Variants in TRIM26 observed in about 807,000 individuals in gnomAD.
TRIM26 encodes tripartite motif containing 26, also known as tripartite motif-containing protein 26.
A neutral mutation model predicts 45.5 loss-of-function variants in TRIM26; 16 were observed. That is an observed-to-expected ratio of 0.35 (90% CI 0.24 to 0.53). TRIM26 has a LOEUF of 0.53. Among genes scored for constraint, TRIM26 ranks in the 20% least tolerant of loss-of-function variants. The pLI is 0.92. For synonymous variants in TRIM26, 273 were observed against 290.4 expected (o/e 0.94, Z 0.61); for missense variants, 442 against 691.1 (o/e 0.64, Z 4.04).
In TRIM26 at chr6:30,199,888, G is replaced by A. The variant is rs182990157; in HGVS notation, c.-161-624C>T. ...CCCGACCTCGTGATCCACCTGCCTC[G>A]GCCTCCCAAAGTGCTGGGATTACAG... On this transcript the variant is annotated intron_variant, in intron 3 of 9. Transcript: ENST00000454678. Among the ~76,000 whole-genome samples, 681 of 151,964 alleles carry A rather than the reference G, an allele frequency of 4.5e-3. 2 individuals are homozygous for A. The highest frequency in any genetic ancestry group is 0.011 in the African/African-American group (476 of 41,440).
In TRIM26 at chr6:30,184,904, C is replaced by A. The variant is rs1774993648; in HGVS notation, c.*972G>T. The A allele has an allele frequency of 6.5e-6, 1 of 152,912 alleles. No individual in the cohort carries two copies. The highest frequency in any genetic ancestry group is 6.5e-5 in the Admixed American group (1 of 15,276). 9.5% of individuals were successfully genotyped at this position (152,912 alleles called of 1,614,324 possible). On this transcript the variant is annotated 3_prime_UTR_variant, in exon 10 of 10. Transcript: ENST00000454678. ...TGAAGACCTGGTGGGCTTGTGGCCT[C>A]CTGCTGCCTTCCTTTCCCTGTCTTC... is the stretch of plus-strand genomic sequence containing the variant.
chr6:30,212,410 T>A (rs1778374986), intron 1 of TRIM26, among the ~76,000 whole-genome samples: 1 of 152,208 alleles, frequency 6.6e-6, no homozygotes, highest in South Asian at 2.1e-4. Flanking sequence ...AATAATGTAT[T>A]GATATTGGTT....
intron 6 of TRIM26, among the ~76,000 whole-genome samples, chr6:30,194,342 T>C (rs1017637172): frequency 9.9e-5 from 15 of 152,016 alleles, no homozygotes; most frequent in African/African-American, 3.6e-4. Context: ...TGGGGAGAAG[T>C]TGGTTAACAG....
Position 30,185,725 on chromosome 6 carries a change from G to C in TRIM26, c.*151C>G. The C allele has an allele frequency of 1.2e-6, 1 of 821,944 alleles. No individual in the cohort carries two copies. The highest frequency in any genetic ancestry group is 1.8e-5 in the South Asian group (1 of 54,480). 50.9% of individuals were successfully genotyped at this position (821,944 alleles called of 1,614,324 possible). A position where few individuals can be genotyped will look rare whatever the true frequency, so the allele number is the denominator to read the frequency against. ...GCAACAGCACTGAGTGAGATTTCAG[G>C]GGGCCACAGCAATGGGGAGGTGGCT... On this transcript the variant is annotated 3_prime_UTR_variant, in exon 10 of 10. Transcript: ENST00000454678. This position sits in a 1 kb window ranked among gnomAD's most constrained non-coding sequence, Gnocchi z 5.7.
At chr6:30,187,037 T>C (rs569977326) in intron 9 of TRIM26, 18 of 339,678 alleles carry the variant, frequency 5.3e-5, no homozygotes, top group African/African-American at 3.3e-4. Flanking sequence ...ACAATAACTA[T>C]GTGAATGACC....
intron 6 of TRIM26, among the ~76,000 whole-genome samples, chr6:30,191,489 T>C (rs11753736): frequency 0.036 from 5,347 of 149,518 alleles, 162 homozygotes; most frequent in Middle Eastern, 0.1. Flanking sequence ...CAGACAATAA[T>C]CAATGTAGCA....
intron 5 of TRIM26, among the ~76,000 whole-genome samples, chr6:30,197,259 T>C (rs1223938617): frequency 1.3e-5 from 2 of 152,168 alleles, no homozygotes; most frequent in Non-Finnish European, 2.9e-5. Context: ...ACGTCTGTGC[T>C]TAGGGACTAT....
rs766047015 is a variant in TRIM26, at chr6:30,186,200, T to C, written c.1296A>G (p.Glu432=). 2 of 1,594,094 alleles carry C rather than the reference T, an allele frequency of 1.3e-6. No homozygotes were observed. Among genetic ancestry groups the C allele is most frequent in the African/African-American group, 1.3e-5 (1 of 74,208 alleles). Reference sequence around the variant, plus strand: ...CCCCCACCATGCAGCTTTCCAGAACTTCCTCCTCTTCCTCCTCCTCTTCTT... The same window carrying C: ...CCCCCACCATGCAGCTTTCCAGAACCTCCTCCTCTTCCTCCTCCTCTTCTT... ...EEEEEEEEEE[E]VLESCMVGVA... Residue 432 remains glutamate, a synonymous_variant, in exon 10 of 10, where the codon GAA becomes GAG. Transcript: ENST00000454678. The surrounding 1 kb of genome is among the most constrained non-coding windows in gnomAD (Gnocchi z 7.4).
Position 30,190,094 on chromosome 6 carries a change from T to C in TRIM26, c.766-59A>G. ...ATGAATCAAATAAGACTTCAATGCATCTGCACCCAACACTGTAGCAGAGAT... is the reference window on the plus strand; with the variant it reads ...ATGAATCAAATAAGACTTCAATGCACCTGCACCCAACACTGTAGCAGAGAT... On this transcript the variant is annotated intron_variant, in intron 6 of 9. Transcript: ENST00000454678. This position sits in a 1 kb window ranked among gnomAD's most constrained non-coding sequence, Gnocchi z 4.3. 6.3e-7 allele frequency: 1 copy of C among 1,577,502 alleles called. No homozygotes were observed. The highest frequency in any genetic ancestry group is 1.7e-5 in the Admixed American group (1 of 59,878).
chr6:30,187,332 G>A (rs186168466), intron 9 of TRIM26: 172 of 318,756 alleles, frequency 5.4e-4, no homozygotes, highest in Non-Finnish European at 7.5e-4. Flanking sequence ...TGTCATCCAC[G>A]GGATTAGAAA....
chr6:30,189,903 G>T lies in TRIM26; in HGVS notation c.788+110C>A. 7.6e-7 allele frequency: 1 copy of T among 1,316,552 alleles called. No individual in the cohort carries two copies. The highest frequency in any genetic ancestry group is 1.1e-6 in the Non-Finnish European group (1 of 916,454). 81.6% of individuals were successfully genotyped at this position (1,316,552 alleles called of 1,614,324 possible). On this transcript the variant is annotated intron_variant, in intron 7 of 9. Coordinates refer to ENST00000454678, the MANE Select transcript of TRIM26 (RefSeq NM_003449.5). This position sits in a 1 kb window ranked among gnomAD's most constrained non-coding sequence, Gnocchi z 5.0. ...GGCATCAGGATGAACCATGGGATGT[G>T]AGTACCTCTGGCACCATACCACTCC... is the stretch of plus-strand genomic sequence containing the variant.
intron 1 of TRIM26, among the ~76,000 whole-genome samples, chr6:30,211,651 A>G (rs529293875): frequency 1.3e-5 from 2 of 152,222 alleles, no homozygotes; most frequent in East Asian, 1.9e-4. Flanking sequence ...GCAAGGTCAC[A>G]TAAGTACGAG....
chr6:30,199,699 T>G (rs9357094), intron 3 of TRIM26, among the ~76,000 whole-genome samples: 12 of 149,548 alleles, frequency 8.0e-5, no homozygotes, highest in African/African-American at 2.5e-4. Context: ...TGCAGTGGCG[T>G]GATCTCAGCT....
At chr6:30,193,099 T>TATA (rs1776039967) in intron 6 of TRIM26, among the ~76,000 whole-genome samples, 1 of 130,790 alleles carries the variant, frequency 7.6e-6, no homozygotes, top group Non-Finnish European at 1.6e-5. Flanking sequence ...TATATATGTA[T>TATA]CTATATACAT....
In TRIM26 at chr6:30,196,483, T is replaced by C. The variant is rs745928517; in HGVS notation, c.765+33A>G. 4.4e-6 allele frequency: 7 copies of C among 1,594,334 alleles called. No individual in the cohort carries two copies. The South Asian group carries it at 6.6e-5, about 15-fold the overall frequency. ...GCAGGGCTGGGACCCACCGTCCTGGTCCCTGGCGCCCTGCCCAGGGACGGC... is the reference window on the plus strand; with the variant it reads ...GCAGGGCTGGGACCCACCGTCCTGGCCCCTGGCGCCCTGCCCAGGGACGGC... On this transcript the variant is annotated intron_variant, in intron 6 of 9. Transcript: ENST00000454678. This position sits in a 1 kb window ranked among gnomAD's most constrained non-coding sequence, Gnocchi z 4.9.
Position 30,198,856 on chromosome 6 carries a change from A to G in TRIM26, c.248T>C (p.Val83Ala), listed in dbSNP as rs752486472. Residue 83 changes from valine (V) to alanine (A), a missense_variant, in exon 4 of 10, where the codon GTG becomes GCG. Val to Ala is a moderately conservative substitution (Grantham distance 64). Transcript: ENST00000454678. The surrounding 1 kb of genome is among the most constrained non-coding windows in gnomAD (Gnocchi z 6.3). ...SLVENIERLK[V>A]DKGRQPGEVT... The stretch of plus-strand genomic sequence containing the variant: ...CTCTCCCGGCTGCCTGCCCTTGTCC[A>G]CCTTCAGCCGCTCAATGTTCTCCAC... 6.2e-7 allele frequency: 1 copy of G among 1,611,294 alleles called. No individual in the cohort carries two copies. Among genetic ancestry groups the G allele is most frequent in the Non-Finnish European group, 8.5e-7 (1 of 1,179,490 alleles).
At chr6:30,195,884 G>T (rs923202776) in intron 6 of TRIM26, among the ~76,000 whole-genome samples, 1 of 152,184 alleles carries the variant, frequency 6.6e-6, no homozygotes, top group African/African-American at 2.4e-5. Context: ...TCCCGGGGGG[G>T]AGGAGATGTG....
intron 2 of TRIM26, among the ~76,000 whole-genome samples, chr6:30,202,146 G>A (rs1581705956): frequency 1.4e-5 from 2 of 141,774 alleles, no homozygotes; most frequent in East Asian, 2.0e-4. Flanking sequence ...ACAATAAAAG[G>A]ACTATGAAGA....
Position 30,189,126 on chromosome 6 carries a change from A to G in TRIM26, c.937+41T>C. On this transcript the variant is annotated intron_variant, in intron 9 of 9. Transcript: ENST00000454678. The surrounding 1 kb of genome is among the most constrained non-coding windows in gnomAD (Gnocchi z 5.0). ...AGAATCTCTGCAGGCGGAGTTTTCT[A>G]TATTTGATGTACATCTGGGAAACAC... The G allele has an allele frequency of 5.0e-6, 8 of 1,595,896 alleles. No homozygotes were observed. The highest frequency in any genetic ancestry group is 6.8e-6 in the Non-Finnish European group (8 of 1,173,178).
Sources: allele counts gnomAD v4.1 joint callset (sites outside exome capture counted in the v4.1 genomes callset), GRCh38; gene constraint gnomAD v4.1.1; non-coding constraint Gnocchi (gnomAD v3.1); transcripts MANE v1.5; gene names NCBI Gene and HGNC (gene_info 2026-07-23, HGNC 2026-07-21).